The following DMD variants were observed in gnomAD, a reference collection of about 807,000 sequenced individuals.
DMD encodes dystrophin, also known as mutant dystrophin.
DMD carries 63 observed loss-of-function variants against 330.1 expected under a neutral mutation model. The observed-to-expected ratio is 0.19, with a 90% CI of 0.16 to 0.24. The LOEUF (loss-of-function observed/expected upper bound fraction) is 0.24, where lower values mean the gene tolerates loss of function less well. Among genes scored for constraint, DMD ranks in the 10% least tolerant of loss-of-function variants. The probability of loss-of-function intolerance (pLI) is 1.00; values close to 1 mark genes in which losing one functional copy is unlikely to be tolerated. For missense variants in DMD, 3,344 were observed against 2,684.1 expected (o/e 1.25, Z -5.43); for synonymous variants, 1,223 against 959.8 (o/e 1.27, Z -5.07).
At chrX:32,959,136 A>G (rs1241775694) in intron 2 of DMD, among the ~76,000 whole-genome samples, 1 of 112,499 alleles carries the variant, frequency 8.9e-6, no homozygotes, top group Admixed American at 9.4e-5. Flanking sequence ...GCAATGTGGC[A>G]GACACAGTTG....
At chrX:31,910,366 T>C (rs1292700885) in intron 47 of DMD, among the ~76,000 whole-genome samples, 1 of 111,989 alleles carries the variant, frequency 8.9e-6, no homozygotes, top group East Asian at 2.8e-4. Flanking sequence ...ATTCTCCTTC[T>C]AACAGTGCAA....
chrX:32,355,216 CA>C (rs2097794997), intron 37 of DMD, among the ~76,000 whole-genome samples: 1 of 110,585 alleles, frequency 9.0e-6, no homozygotes, highest in African/African-American at 3.3e-5. Flanking sequence ...AGTAGACCAA[CA>C]AAAACTACTT....
chrX:31,223,633 GC>G (rs1348360695), intron 63 of DMD, among the ~76,000 whole-genome samples: 2 of 111,570 alleles, frequency 1.8e-5, no homozygotes, highest in Non-Finnish European at 1.9e-5. Context: ...TCATCCACAA[GC>G]CCATAAACTC....
intron 59 of DMD, among the ~76,000 whole-genome samples, chrX:31,476,428 C>T (rs1354129894): frequency 9.9e-6 from 1 of 101,348 alleles, no homozygotes; most frequent in African/African-American, 3.6e-5. Flanking sequence ...TATACACACA[C>T]ACACACACAT....
rs199667652 is a variant in DMD, at chrX:33,209,827, T to C, written c.31+1455A>G. The stretch of plus-strand genomic sequence containing the variant: ...TGAATATCTATGACAAAGCAGAGTG[T>C]AGATTTACCTTGCTTAATTTCAGCA... On this transcript the variant is annotated intron_variant, in intron 1 of 78. Coordinates refer to ENST00000357033, the MANE Select transcript of DMD (RefSeq NM_004006.3). Among the ~76,000 whole-genome samples, 7 of 110,306 alleles carry C rather than the reference T, an allele frequency of 6.3e-5. No individual in the cohort carries two copies. In the East Asian group the frequency reaches 2.0e-3, roughly 31 times the overall value.
intron 43 of DMD, among the ~76,000 whole-genome samples, chrX:32,249,988 AC>A (rs1346901730): frequency 9.8e-6 from 1 of 101,525 alleles, no homozygotes; most frequent in Admixed American, 1.1e-4. Context: ...ATAATGTCCC[AC>A]TTTTTTTGCA....
chrX:32,892,276 C>A (rs1331779196), intron 2 of DMD, among the ~76,000 whole-genome samples: 1 of 112,391 alleles, frequency 8.9e-6, no homozygotes, highest in Non-Finnish European at 1.9e-5. Context: ...ACTGCACATT[C>A]TTCTTTTAGG....
At chrX:33,174,604 G>T (rs755954411) in intron 1 of DMD, among the ~76,000 whole-genome samples, 1 of 111,197 alleles carries the variant, frequency 9.0e-6, no homozygotes, top group South Asian at 3.8e-4. Context: ...CTTGTACTGG[G>T]ATGGACAAGG....
At chrX:32,564,181 T>C (rs1369364394) in intron 16 of DMD, among the ~76,000 whole-genome samples, 1 of 111,985 alleles carries the variant, frequency 8.9e-6, no homozygotes, top group Non-Finnish European at 1.9e-5. Context: ...GCTCCTCAGG[T>C]GGCTACTATG....
chrX:32,610,278 G>A (rs1236998070), intron 12 of DMD, among the ~76,000 whole-genome samples: 1 of 111,257 alleles, frequency 9.0e-6, no homozygotes, highest in Non-Finnish European at 1.9e-5. Flanking sequence ...TGTCTATGAA[G>A]GATGAGTGGT....
At chrX:32,924,445 A>C (rs781067849) in intron 2 of DMD, among the ~76,000 whole-genome samples, 2 of 111,433 alleles carry the variant, frequency 1.8e-5, no homozygotes, top group Admixed American at 9.6e-5. Flanking sequence ...GAATCATCTG[A>C]GCCCAGGAAT....
chrX:31,696,743 T>G (rs2083472485), intron 52 of DMD, among the ~76,000 whole-genome samples: 1 of 112,061 alleles, frequency 8.9e-6, no homozygotes, highest in Non-Finnish European at 1.9e-5. Context: ...TTGGCTGCTG[T>G]GAATAATAAA....
intron 29 of DMD, among the ~76,000 whole-genome samples, chrX:32,437,837 T>C (rs1428034347): frequency 8.9e-6 from 1 of 112,383 alleles, no homozygotes; most frequent in Non-Finnish European, 1.9e-5. Flanking sequence ...TTATGAAGAA[T>C]AAATAATATG....
intron 7 of DMD, among the ~76,000 whole-genome samples, chrX:32,722,816 TA>T (rs2066468284): frequency 2.7e-5 from 3 of 111,490 alleles, no homozygotes; most frequent in African/African-American, 9.8e-5. Context: ...TTATTAGTTC[TA>T]ACATTTTTCT....
At chrX:33,118,882 C>T (rs1208447482) in intron 1 of DMD, among the ~76,000 whole-genome samples, 1 of 112,006 alleles carries the variant, frequency 8.9e-6, no homozygotes, top group African/African-American at 3.2e-5. Flanking sequence ...GCTACTTTGA[C>T]TTTTTGGCCT....
intron 13 of DMD, among the ~76,000 whole-genome samples, chrX:32,595,076 G>T (rs949852881): frequency 8.9e-6 from 1 of 111,813 alleles, no homozygotes; most frequent in Non-Finnish European, 1.9e-5. Context: ...AAAGAAGATT[G>T]AAGACAAAAG....
chrX:31,768,506 C>T (rs2090144512), intron 51 of DMD, among the ~76,000 whole-genome samples: 1 of 108,229 alleles, frequency 9.2e-6, no homozygotes, highest in South Asian at 4.1e-4. Flanking sequence ...CTCCTCCTTC[C>T]TTCCCTTTCT....
chrX:33,329,039 T>C (rs1806786707), intron 1 of DMD, among the ~76,000 whole-genome samples: 1 of 112,109 alleles, frequency 8.9e-6, no homozygotes, highest in South Asian at 3.6e-4. Context: ...ATTTGTGTTA[T>C]AGTTCAGTAA....
Position 31,627,803 on chromosome X carries a change from A to C in DMD, c.8087T>G (p.Leu2696Arg). 11 of 1,211,039 alleles carry C rather than the reference A, an allele frequency of 9.1e-6. No individual in the cohort carries two copies. The highest frequency in any genetic ancestry group is 1.2e-5 in the Non-Finnish European group (11 of 895,154). ...CCAGGCAAGAAACTTTTCCAGGTCC[A>C]GGGGGAACTGTTGCAGTAATCTATG... ...ETHRLLQQFP[L>R]DLEKFLAWLT... The change falls in exon 55 of 79, where the codon CTG becomes CGG. Residue 2696 changes from leucine to arginine, a missense_variant. Physicochemically the swap from Leu to Arg is moderately radical, Grantham distance 102. Coordinates refer to ENST00000357033, the MANE Select transcript of DMD (RefSeq NM_004006.3).
Sources: allele counts gnomAD v4.1 joint callset (sites outside exome capture counted in the v4.1 genomes callset), GRCh38; gene constraint gnomAD v4.1.1; transcripts MANE v1.5; gene names NCBI Gene and HGNC (gene_info 2026-07-23, HGNC 2026-07-21).